The following CDH23 variants were observed in gnomAD, a reference collection of about 807,000 sequenced individuals.
CDH23 encodes the protein cadherin related 23.
Under a neutral mutation model 317.1 loss-of-function variants are expected in CDH23, and 189 were observed. The ratio of observed to expected loss-of-function variants is 0.60; its 90% CI spans 0.53 to 0.67. CDH23 has a LOEUF of 0.67. Ranked by LOEUF, CDH23 falls within the 30% of genes least tolerant of loss-of-function variation. CDH23 has a pLI of 0.00. For missense variants in CDH23, 4,401 were observed against 4,592.4 expected (o/e 0.96, Z 1.20); for synonymous variants, 1,839 against 1,876.8 (o/e 0.98, Z 0.52).
intron 14 of CDH23, among the ~76,000 whole-genome samples, chr10:71,648,429 G>T (rs905395044): frequency 6.6e-6 from 1 of 152,248 alleles, no homozygotes; most frequent in Admixed American, 6.5e-5. Context: ...CTGGGACCAC[G>T]TGGCAAAGAA....
At chr10:71,413,096 A>G (rs912026105) in intron 1 of CDH23, among the ~76,000 whole-genome samples, 11 of 152,146 alleles carry the variant, frequency 7.2e-5, no homozygotes, top group Non-Finnish European at 8.8e-5. Context: ...TCATCTAAGA[A>G]GTTTATAGTT....
chr10:71,739,577 C>A (rs759948513), intron 35 of CDH23, 67 bp from the exon 36 acceptor site: 14 of 1,568,498 alleles, frequency 8.9e-6, no homozygotes, highest in Non-Finnish European at 1.2e-5. Context: ...CAGGGAGTCC[C>A]CCTTGGCTTG....
At chr10:71,530,777 C>T (rs780692144) in intron 6 of CDH23, among the ~76,000 whole-genome samples, 5 of 152,208 alleles carry the variant, frequency 3.3e-5, no homozygotes, top group African/African-American at 1.2e-4. Flanking sequence ...TAATCCTTAC[C>T]GAACATGTCC....
At chr10:71,664,494 G>A (rs1328769255) in intron 14 of CDH23, among the ~76,000 whole-genome samples, 1 of 152,142 alleles carries the variant, frequency 6.6e-6, no homozygotes. Context: ...CCACCTCCAC[G>A]GACCCGCTGC....
At chr10:71,432,452 TGA>T (rs563364096) in intron 1 of CDH23, among the ~76,000 whole-genome samples, 189 of 151,356 alleles carry the variant, frequency 1.2e-3, no homozygotes, top group African/African-American at 4.2e-3. Context: ...AGCGTGTGTG[TGA>T]GAGCATGTGA....
At chr10:71,664,101 G>A (rs568634436) in intron 14 of CDH23, among the ~76,000 whole-genome samples, 1 of 152,094 alleles carries the variant, frequency 6.6e-6, no homozygotes, top group South Asian at 2.1e-4. Context: ...GTGCCTCTGA[G>A]GGGAGCCCAA....
chr10:71,587,798 T>C (rs1437173365), intron 9 of CDH23, among the ~76,000 whole-genome samples: 5 of 152,266 alleles, frequency 3.3e-5, no homozygotes, highest in Admixed American at 2.0e-4. Context: ...ACTGCTTAGC[T>C]TTCAAGGCAG....
chr10:71,641,277 A>C (rs896438793), intron 11 of CDH23, among the ~76,000 whole-genome samples: 1 of 152,196 alleles, frequency 6.6e-6, no homozygotes, highest in Non-Finnish European at 1.5e-5. Flanking sequence ...GGCTCTGGGC[A>C]TCTGCATTTC....
intron 6 of CDH23, among the ~76,000 whole-genome samples, chr10:71,528,807 G>A (rs1010792313): frequency 1.3e-5 from 2 of 152,150 alleles, no homozygotes; most frequent in Admixed American, 6.5e-5. Flanking sequence ...CTGGGCCTCC[G>A]CCCACCTGGG....
intron 30 of CDH23, among the ~76,000 whole-genome samples, chr10:71,729,992 G>A (rs992050638): frequency 3.3e-5 from 5 of 151,888 alleles, no homozygotes; most frequent in Non-Finnish European, 5.9e-5. Context: ...CCGCCACCAC[G>A]CCCGGCTAAT....
intron 6 of CDH23, among the ~76,000 whole-genome samples, chr10:71,518,888 C>T (rs911715486): frequency 6.6e-6 from 1 of 152,172 alleles, no homozygotes; most frequent in African/African-American, 2.4e-5. Flanking sequence ...AGCCAAGGAC[C>T]CCTGGTCCCT....
chr10:71,636,111 A>T (rs1299923751), intron 11 of CDH23, among the ~76,000 whole-genome samples: 1 of 152,058 alleles, frequency 6.6e-6, no homozygotes, highest in African/African-American at 2.4e-5. Flanking sequence ...AATGAGGGCG[A>T]GATAAAGAGA....
chr10:71,804,043 G>A (rs1010440266), intron 55 of CDH23, among the ~76,000 whole-genome samples: 3 of 148,656 alleles, frequency 2.0e-5, no homozygotes, highest in African/African-American at 4.9e-5. Context: ...TCAGCCCAAC[G>A]ACTTTGAGCA....
At chr10:71,509,985 C>A in intron 3 of CDH23, 97 bp from the exon 4 acceptor site, 1 of 1,402,328 alleles carries the variant, frequency 7.1e-7, no homozygotes, top group Non-Finnish European at 1.0e-6. Flanking sequence ...TGCTGAATGG[C>A]CACTCCCTGC....
chr10:71,777,965 C>T, intron 39 of CDH23, 64 bp downstream of exon 39: 1 of 1,558,436 alleles, frequency 6.4e-7, no homozygotes, highest in Non-Finnish European at 8.8e-7. Context: ...GCAAGGAGTT[C>T]AGTGACACTG....
intron 6 of CDH23, among the ~76,000 whole-genome samples, chr10:71,539,321 C>T (rs1855869034): frequency 6.6e-6 from 1 of 152,132 alleles, no homozygotes; most frequent in South Asian, 2.1e-4. Context: ...ACCCAGCCCA[C>T]CTATAGCCTG....
At position 71,765,447 on chromosome 10, in the gene CDH23, G is replaced by A. The variant is rs139530109; in HGVS notation, c.4846-12233G>A. On this transcript the variant is annotated intron_variant, in intron 38 of 69. Coordinates refer to ENST00000224721, the MANE Select transcript of CDH23 (RefSeq NM_022124.6). ...GCTGGGTGGGGTTGGGGGCCCTCAAGTGGACAGAGGTGTGGACAAGTGGGG... is the reference window on the plus strand; with the variant it reads ...GCTGGGTGGGGTTGGGGGCCCTCAAATGGACAGAGGTGTGGACAAGTGGGG... Among the ~76,000 whole-genome samples, 748 of 152,358 alleles carry A rather than the reference G, an allele frequency of 4.9e-3. 2 individuals are homozygous for A. Among genetic ancestry groups the A allele is most frequent in the Middle Eastern group, 0.014 (4 of 294 alleles).
chr10:71,404,410 A>G (rs918334313), intron 1 of CDH23, among the ~76,000 whole-genome samples: 1 of 152,078 alleles, frequency 6.6e-6, no homozygotes, highest in African/African-American at 2.4e-5. Flanking sequence ...ACCATTCCCT[A>G]TTGCCTCACT....
chr10:71,624,110 G>A (rs570679495), intron 11 of CDH23, among the ~76,000 whole-genome samples: 1 of 152,130 alleles, frequency 6.6e-6, no homozygotes, highest in Non-Finnish European at 1.5e-5. Context: ...GGTGCCGCCC[G>A]GGCCTTCCCC....
Sources: allele counts gnomAD v4.1 joint callset (sites outside exome capture counted in the v4.1 genomes callset), GRCh38; gene constraint gnomAD v4.1.1; transcripts MANE v1.5; gene names NCBI Gene and HGNC (gene_info 2026-07-23, HGNC 2026-07-21).